Variants in ELOVL6 observed in about 807,000 individuals in gnomAD.
ELOVL6 encodes the protein ELOVL fatty acid elongase 6.
In ELOVL6, 8 loss-of-function variants were observed where a neutral mutation model predicts 31.7. The observed-to-expected ratio is 0.25, with a 90% CI of 0.15 to 0.45. The LOEUF (loss-of-function observed/expected upper bound fraction) is 0.45, where lower values mean the gene tolerates loss of function less well. Among genes scored for constraint, ELOVL6 ranks in the 20% least tolerant of loss-of-function variants. The pLI, the probability that ELOVL6 is intolerant of heterozygous loss-of-function variation, is 1.00. For synonymous variants in ELOVL6, 101 were observed against 117.7 expected (o/e 0.86, Z 0.92); for missense variants, 126 against 326.4 (o/e 0.39, Z 4.73).
At chr4:110,065,519 G>A (rs571372778) in intron 2 of ELOVL6, among the ~76,000 whole-genome samples, 237 of 152,304 alleles carry the variant, frequency 1.6e-3, no homozygotes, top group Non-Finnish European at 2.5e-3. Flanking sequence ...AGCTATTTGG[G>A]AGGCTGAGGT....
intron 1 of ELOVL6, among the ~76,000 whole-genome samples, chr4:110,194,114 TTA>T: frequency 6.6e-6 from 1 of 152,316 alleles, no homozygotes; most frequent in South Asian, 2.1e-4. Flanking sequence ...ACTCAATGAA[TTA>T]TATGTCGCCT....
chr4:110,178,583 G>A lies in ELOVL6; in HGVS notation c.89+19664C>T, dbSNP rs115338534. 5.8e-3 allele frequency among the ~76,000 whole-genome samples: 882 copies of A among 151,654 alleles called. 9 individuals carry two copies. Among genetic ancestry groups the A allele is most frequent in the African/African-American group, 0.02 (842 of 41,384 alleles). ...AAAAAAAAAGGAAAATGGGCCAGAC[G>A]CGGTGGCTCACACCTATAGTCCCAG... On this transcript the variant is annotated intron_variant, in intron 1 of 3. Transcript: ENST00000302274.
At chr4:110,061,695 T>A (rs1044563904) in intron 2 of ELOVL6, among the ~76,000 whole-genome samples, 1 of 151,874 alleles carries the variant, frequency 6.6e-6, no homozygotes, top group African/African-American at 2.4e-5. Flanking sequence ...TAGCTGGGAC[T>A]ACAGGCATGC....
chr4:110,077,339 C>T (rs1009163518), intron 2 of ELOVL6, among the ~76,000 whole-genome samples: 1 of 152,206 alleles, frequency 6.6e-6, no homozygotes, highest in Non-Finnish European at 1.5e-5. Flanking sequence ...AGGCACCCCC[C>T]AGTAGGGACA....
At chr4:110,128,740 T>C (rs1578502200) in intron 1 of ELOVL6, among the ~76,000 whole-genome samples, 1 of 152,336 alleles carries the variant, frequency 6.6e-6, no homozygotes, top group African/African-American at 2.4e-5. Flanking sequence ...TTTGTTTCGG[T>C]GCTTATCATG....
At chr4:110,073,906 C>T (rs924295325) in intron 2 of ELOVL6, among the ~76,000 whole-genome samples, 1 of 152,178 alleles carries the variant, frequency 6.6e-6, no homozygotes, top group Non-Finnish European at 1.5e-5. Flanking sequence ...AGTCCATGGC[C>T]CTTCCAAACT....
intron 2 of ELOVL6, among the ~76,000 whole-genome samples, chr4:110,084,194 T>TATGATA (rs1491255162): frequency 1.1e-4 from 8 of 76,074 alleles, no homozygotes; most frequent in Admixed American, 5.5e-4. Context: ...AACATATAAC[T>TATGATA]TATATGATAT....
chr4:110,176,234 C>T (rs2126275637), intron 1 of ELOVL6, among the ~76,000 whole-genome samples: 1 of 152,202 alleles, frequency 6.6e-6, no homozygotes, highest in African/African-American at 2.4e-5. Flanking sequence ...GTGATCTTGG[C>T]TCACTGCAAC....
At chr4:110,189,112 C>T (rs1759531326) in intron 1 of ELOVL6, among the ~76,000 whole-genome samples, 7 of 150,748 alleles carry the variant, frequency 4.6e-5, no homozygotes. Context: ...ACCCCCATCT[C>T]TCCAATACAA....
At chr4:110,167,865 A>G (rs1033725418) in intron 1 of ELOVL6, among the ~76,000 whole-genome samples, 4 of 152,248 alleles carry the variant, frequency 2.6e-5, no homozygotes, top group Admixed American at 6.5e-5. Flanking sequence ...GAAAAAATAA[A>G]ACACCTATCT....
chr4:110,153,763 T>C (rs1758342351), intron 1 of ELOVL6, among the ~76,000 whole-genome samples: 1 of 152,208 alleles, frequency 6.6e-6, no homozygotes, highest in African/African-American at 2.4e-5. Flanking sequence ...AGATTTAAAC[T>C]AACAGATCTT....
In ELOVL6 at chr4:110,084,531, T is replaced by C. The variant is rs868057220; in HGVS notation, c.221+20966A>G. On this transcript the variant is annotated intron_variant, in intron 2 of 3. Coordinates refer to ENST00000302274, the MANE Select transcript of ELOVL6 (RefSeq NM_024090.3). ...TATATGTGTATACATTATATACACT[T>C]ACACACACACACACACACACACACA... is the stretch of plus-strand genomic sequence containing the variant. 2.0e-4 allele frequency among the ~76,000 whole-genome samples: 14 copies of C among 70,356 alleles called. 1 individual carries two copies. The East Asian group carries it at 4.2e-3, about 21-fold the overall frequency. The allele number at this position is 70,356 out of a possible 152,430, so 46.2% of individuals were successfully genotyped here. A position where few individuals can be genotyped will look rare whatever the true frequency, so the allele number is the denominator to read the frequency against.
At position 110,049,579 on chromosome 4, in the gene ELOVL6, AAC is replaced by A. The variant is rs1481243491; in HGVS notation, c.*1757_*1758del. On this transcript the variant is annotated 3_prime_UTR_variant, in exon 4 of 4. Transcript: ENST00000302274. ...CACTCTCAAAGCAAGAAAGAGAAAC[AAC>A]AGTTTTGTTTTGTTTTTTTCTGCTA... 1 of 152,384 alleles carries A rather than the reference AAC, an allele frequency of 6.6e-6. No individual in the cohort carries two copies. The highest frequency in any genetic ancestry group is 1.5e-5 in the Non-Finnish European group (1 of 68,012). 9.4% of individuals were successfully genotyped at this position (152,384 alleles called of 1,614,324 possible). A position where few individuals can be genotyped will look rare whatever the true frequency, so the allele number is the denominator to read the frequency against.
chr4:110,135,587 G>T (rs1346585420), intron 1 of ELOVL6, among the ~76,000 whole-genome samples: 1 of 152,180 alleles, frequency 6.6e-6, no homozygotes, highest in African/African-American at 2.4e-5. Context: ...TGTTTAAATA[G>T]GTAAGTTCAA....
chr4:110,081,808 C>A (rs1222893401), intron 2 of ELOVL6, among the ~76,000 whole-genome samples: 1 of 147,192 alleles, frequency 6.8e-6, no homozygotes, highest in Non-Finnish European at 1.5e-5. Context: ...GAACAGGCAA[C>A]CTACAAAATG....
chr4:110,141,694 T>C lies in ELOVL6; in HGVS notation c.90-36066A>G, dbSNP rs189384398. ...AGTGTATATATATAGTATTAGTATA[T>C]ATATTGTATTGTATTAGCATATATA... On this transcript the variant is annotated intron_variant, in intron 1 of 3. Coordinates refer to ENST00000302274, the MANE Select transcript of ELOVL6 (RefSeq NM_024090.3). Among the ~76,000 whole-genome samples the C allele has an allele frequency of 4.0e-3, 585 of 148,070 alleles. 4 individuals carry two copies. In the Middle Eastern group the frequency reaches 0.054, roughly 14 times the overall value.
At chr4:110,147,319 A>G (rs1470127681) in intron 1 of ELOVL6, 1 of 155,002 alleles carries the variant, frequency 6.5e-6, no homozygotes, top group Admixed American at 6.6e-5. Context: ...ACCTGAAACT[A>G]TGAAAATACT....
At chr4:110,192,047 G>T (rs964173970) in intron 1 of ELOVL6, among the ~76,000 whole-genome samples, 2 of 151,720 alleles carry the variant, frequency 1.3e-5, no homozygotes, top group African/African-American at 4.8e-5. Flanking sequence ...AAAATCAGCC[G>T]GGTGTAGTGG....
At chr4:110,160,414 C>T (rs181794824) in intron 1 of ELOVL6, among the ~76,000 whole-genome samples, 345 of 152,270 alleles carry the variant, frequency 2.3e-3, no homozygotes, top group African/African-American at 8.0e-3. Context: ...TAGCAGGAAT[C>T]GCTATCAGAC....
Sources: allele counts gnomAD v4.1 joint callset (sites outside exome capture counted in the v4.1 genomes callset), GRCh38; gene constraint gnomAD v4.1.1; transcripts MANE v1.5; gene names NCBI Gene and HGNC (gene_info 2026-07-23, HGNC 2026-07-21).